The following SIL1 variants were observed in gnomAD, a reference collection of about 807,000 sequenced individuals.
The protein encoded by SIL1 is nucleotide exchange factor SIL1.
Under a neutral mutation model 49.1 loss-of-function variants are expected in SIL1, and 40 were observed. The observed-to-expected ratio is 0.81, with a 90% CI of 0.63 to 1.06. SIL1 has a LOEUF of 1.06. SIL1 is among the 50% of genes least tolerant of loss of function. SIL1 has a pLI of 0.00. For synonymous variants in SIL1, 253 were observed against 250.8 expected, an observed-to-expected ratio of 1.01 and a Z score of -0.08; for missense variants, 500 against 572.6, an observed-to-expected ratio of 0.87 and a Z score of 1.29.
At chr5:139,111,979 C>T (rs1326055325) in intron 3 of SIL1, among the ~76,000 whole-genome samples, 3 of 152,242 alleles carry the variant, frequency 2.0e-5, no homozygotes, top group African/African-American at 4.8e-5. Flanking sequence ...CGAGCGCCTG[C>T]GATTGCAGGT....
chr5:139,031,819 A>G (rs568528085), intron 5 of SIL1, among the ~76,000 whole-genome samples: 7 of 152,242 alleles, frequency 4.6e-5, no homozygotes, highest in Non-Finnish European at 1.0e-4. Flanking sequence ...TTGAGCATAT[A>G]GATCTTATAT....
intron 1 of SIL1, among the ~76,000 whole-genome samples, chr5:139,171,717 A>G (rs938508855): frequency 1.3e-5 from 2 of 151,556 alleles, no homozygotes; most frequent in African/African-American, 4.8e-5. Context: ...TAAAAAGAAA[A>G]AAAATAAAAA....
At chr5:138,959,513 A>G (rs757828315) in intron 7 of SIL1, among the ~76,000 whole-genome samples, 2 of 152,230 alleles carry the variant, frequency 1.3e-5, no homozygotes, top group Non-Finnish European at 2.9e-5. Flanking sequence ...TCTGGTCCTA[A>G]GTCTACCCTT....
Position 139,128,026 on chromosome 5 carries a change from G to A in SIL1, c.-10-173C>T, listed in dbSNP as rs919572006. 3 of 640,046 alleles carry A rather than the reference G, an allele frequency of 4.7e-6. No homozygotes were observed. The Admixed American group carries it at 6.3e-5, about 13-fold the overall frequency. The allele number at this position is 640,046 out of a possible 1,614,324, so 39.6% of individuals were successfully genotyped here. On this transcript the variant is annotated intron_variant, in intron 1 of 9. Coordinates refer to ENST00000394817, the MANE Select transcript of SIL1 (RefSeq NM_022464.5). Reference sequence around the variant, plus strand: ...CTGAAGCCTCCATCTACCATGGTGGGTCCAGCCATCCAACAAGAGATATGC... The same window carrying A: ...CTGAAGCCTCCATCTACCATGGTGGATCCAGCCATCCAACAAGAGATATGC...
intron 8 of SIL1, among the ~76,000 whole-genome samples, 180 bp downstream of exon 8, chr5:138,951,608 C>T (rs987783230): frequency 3.1e-4 from 47 of 152,258 alleles, no homozygotes; most frequent in African/African-American, 1.0e-3. Flanking sequence ...GCCCCCAGGC[C>T]TCTAGTCACC....
chr5:139,070,150 C>CA (rs968105072), intron 3 of SIL1, among the ~76,000 whole-genome samples: 3 of 151,896 alleles, frequency 2.0e-5, no homozygotes, highest in Non-Finnish European at 4.4e-5. Flanking sequence ...AGAGCACACA[C>CA]AAAAAAATGT....
chr5:139,177,528 G>A (rs553955450), intron 1 of SIL1, among the ~76,000 whole-genome samples: 16 of 151,958 alleles, frequency 1.1e-4, no homozygotes, highest in Non-Finnish European at 2.2e-4. Context: ...ATGAGCCACC[G>A]CGCCCAGCCG....
chr5:139,000,674 A>T (rs1196727129), intron 7 of SIL1, among the ~76,000 whole-genome samples: 2 of 152,168 alleles, frequency 1.3e-5, no homozygotes, highest in Non-Finnish European at 2.9e-5. Context: ...TACCTCAAGG[A>T]AAGATTTCTT....
chr5:139,011,046 G>C (rs893698286), intron 7 of SIL1, among the ~76,000 whole-genome samples: 9 of 147,332 alleles, frequency 6.1e-5, no homozygotes, highest in Non-Finnish European at 1.4e-4. Context: ...GCAATGGCGG[G>C]CGCCCCTCCC....
At chr5:138,989,088 A>G (rs1767702131) in intron 7 of SIL1, among the ~76,000 whole-genome samples, 1 of 152,226 alleles carries the variant, frequency 6.6e-6, no homozygotes, top group South Asian at 2.1e-4. Flanking sequence ...AGTGGAGGAT[A>G]CTTTTCATAT....
chr5:139,075,056 C>T (rs1332363352), intron 3 of SIL1, among the ~76,000 whole-genome samples: 1 of 152,184 alleles, frequency 6.6e-6, no homozygotes, highest in Admixed American at 6.5e-5. Context: ...AACTTCTGAC[C>T]TCATGATCTG....
intron 3 of SIL1, among the ~76,000 whole-genome samples, chr5:139,093,198 G>A (rs1172419988): frequency 6.6e-6 from 1 of 152,190 alleles, no homozygotes; most frequent in Non-Finnish European, 1.5e-5. Context: ...GTCACCACAT[G>A]ATGCCTTTGG....
At chr5:139,145,915 A>T (rs914366822) in intron 1 of SIL1, among the ~76,000 whole-genome samples, 1 of 151,686 alleles carries the variant, frequency 6.6e-6, no homozygotes, top group African/African-American at 2.4e-5. Context: ...ATAAAAAAAA[A>T]AATAAAGAGG....
intron 3 of SIL1, among the ~76,000 whole-genome samples, chr5:139,101,223 C>T (rs1264144995): frequency 2.6e-5 from 4 of 152,206 alleles, no homozygotes; most frequent in South Asian, 2.1e-4. Flanking sequence ...TCTGTGCTGC[C>T]GTACACCTGG....
At chr5:138,982,734 T>C (rs1347880236) in intron 7 of SIL1, among the ~76,000 whole-genome samples, 1 of 152,184 alleles carries the variant, frequency 6.6e-6, no homozygotes, top group Non-Finnish European at 1.5e-5. Flanking sequence ...AGGACAGAAC[T>C]TCCCTAGCAT....
intron 5 of SIL1, chr5:139,035,498 T>C: frequency 1.9e-6 from 1 of 537,806 alleles, no homozygotes. Context: ...AGTCACCGGC[T>C]GCCTTGGCAA....
chr5:139,168,432 T>C (rs1561887798), intron 1 of SIL1, among the ~76,000 whole-genome samples: 1 of 152,194 alleles, frequency 6.6e-6, no homozygotes, highest in Non-Finnish European at 1.5e-5. Context: ...CTGGAGCAGC[T>C]TGCACACAGC....
intron 1 of SIL1, among the ~76,000 whole-genome samples, chr5:139,172,162 G>A (rs1751785320): frequency 6.6e-6 from 1 of 152,144 alleles, no homozygotes; most frequent in Non-Finnish European, 1.5e-5. Flanking sequence ...GTCCCAGAAA[G>A]AAAAGATAAG....
chr5:139,184,187 T>C (rs1172145686), intron 1 of SIL1, among the ~76,000 whole-genome samples: 1 of 152,170 alleles, frequency 6.6e-6, no homozygotes, highest in African/African-American at 2.4e-5. Flanking sequence ...ATTCCTGCCC[T>C]AACTGCAATG....
Sources: gnomAD v4.1 joint callset for allele counts (sites outside exome capture counted in the v4.1 genomes callset) on GRCh38, gnomAD v4.1.1 for gene constraint, MANE v1.5 for transcripts, NCBI Gene and HGNC (gene_info 2026-07-23, HGNC 2026-07-21) for gene names.